The following FBP2 variants were observed in gnomAD, a reference collection of about 807,000 sequenced individuals.
FBP2 encodes fructose-bisphosphatase 2.
Under a neutral mutation model 31.6 loss-of-function variants are expected in FBP2, and 27 were observed. The observed-to-expected ratio is 0.85, with a 90% CI of 0.63 to 1.18. The LOEUF is 1.18. Ranked by LOEUF, FBP2 falls within the 50% of genes most tolerant of loss-of-function variation. The pLI is 0.00. For missense variants in FBP2, 421 were observed against 436.1 expected (o/e 0.97, Z 0.31); for synonymous variants, 168 against 179.8 (o/e 0.93, Z 0.53).
chr9:94,566,402 C>A (rs939699388), intron 5 of FBP2, among the ~76,000 whole-genome samples: 1 of 152,282 alleles, frequency 6.6e-6, no homozygotes, highest in Non-Finnish European at 1.5e-5. Context: ...CACGAGTGAT[C>A]TGTGCCTTAA....
intron 3 of FBP2, among the ~76,000 whole-genome samples, chr9:94,578,000 G>T (rs565401614): frequency 6.6e-6 from 1 of 152,148 alleles, no homozygotes; most frequent in Non-Finnish European, 1.5e-5. Flanking sequence ...TTCCAAGTTC[G>T]CATGAATCTT....
intron 5 of FBP2, 25 bp from the exon 6 acceptor site, chr9:94,563,486 A>G: frequency 6.2e-7 from 1 of 1,608,536 alleles, no homozygotes; most frequent in Non-Finnish European, 8.5e-7. Context: ...GCGAAGAGAC[A>G]AGATCCAGTG....
Position 94,559,003 on chromosome 9 carries a change from G to A in FBP2, c.955C>T (p.Leu319=). ...EAIHQRVPLI[L]GSPEDVQEYL... ...TCCTGCACATCCTCTGGTGACCCCA[G>A]AATGAGGGGGACTCGCTGGTGAATT... Residue 319 remains leucine, a synonymous_variant, in exon 7 of 7, where the codon CTG becomes TTG. Coordinates refer to ENST00000375337, the MANE Select transcript of FBP2 (RefSeq NM_003837.4). The A allele has an allele frequency of 6.2e-7, 1 of 1,614,134 alleles. No homozygotes were observed. Among genetic ancestry groups the A allele is most frequent in the Non-Finnish European group, 8.5e-7 (1 of 1,180,026 alleles).
Position 94,589,652 on chromosome 9 carries a change from G to C in FBP2, c.171-2183C>G, listed in dbSNP as rs538853521. 2.0e-3 allele frequency among the ~76,000 whole-genome samples: 307 copies of C among 152,238 alleles called. 1 individual carries two copies. Among genetic ancestry groups the C allele is most frequent in the African/African-American group, 7.1e-3 (296 of 41,528 alleles). On this transcript the variant is annotated intron_variant, in intron 1 of 6. Coordinates refer to ENST00000375337, the MANE Select transcript of FBP2 (RefSeq NM_003837.4). ...TCAGGTGGTTCTAACAGGTAGCCAG[G>C]GTTGAGAACCACTGATCTACCTTAA...
intron 2 of FBP2, among the ~76,000 whole-genome samples, chr9:94,585,565 G>A (rs1329739084): frequency 6.6e-6 from 1 of 152,124 alleles, no homozygotes; most frequent in Non-Finnish European, 1.5e-5. Flanking sequence ...TGACAGACCT[G>A]ACTAGAATTA....
At chr9:94,569,296 G>GTGCTTCC (rs1367355950) in intron 4 of FBP2, 1 of 152,276 alleles carries the variant, frequency 6.6e-6, no homozygotes, top group Non-Finnish European at 1.5e-5. Flanking sequence ...GACCACTGCC[G>GTGCTTCC]TGCTTCCTGC....
chr9:94,572,698 TTCACAC>T (rs1403326111), intron 3 of FBP2, among the ~76,000 whole-genome samples: 2 of 151,914 alleles, frequency 1.3e-5, no homozygotes, highest in African/African-American at 4.8e-5. Context: ...TTGCATTTAA[TTCACAC>T]ACACACACAA....
At chr9:94,571,627 ATG>A in intron 3 of FBP2, 25 bp from the exon 4 acceptor site, 1 of 1,599,418 alleles carries the variant, frequency 6.3e-7, no homozygotes, top group Non-Finnish European at 8.5e-7. Flanking sequence ...GATAAATGCC[ATG>A]TGTTATTGTT....
chr9:94,591,269 C>T (rs918654413), intron 1 of FBP2, among the ~76,000 whole-genome samples: 52 of 152,352 alleles, frequency 3.4e-4, no homozygotes, highest in African/African-American at 1.1e-3. Context: ...TGGCGGGCTG[C>T]AGGTCCCGAG....
At chr9:94,591,091 C>T (rs1012686362) in intron 1 of FBP2, among the ~76,000 whole-genome samples, 4 of 152,386 alleles carry the variant, frequency 2.6e-5, no homozygotes, top group African/African-American at 9.6e-5. Context: ...CCTAGTGGAT[C>T]CCGCACCGGG....
chr9:94,566,197 A>G (rs1827186952), intron 5 of FBP2, among the ~76,000 whole-genome samples: 1 of 152,262 alleles, frequency 6.6e-6, no homozygotes. Flanking sequence ...TGTTGGGAAC[A>G]GGCCCCCCAA....
At chr9:94,563,553 T>C (rs1827141405) in intron 5 of FBP2, 92 bp from the exon 6 acceptor site, 1 of 1,419,678 alleles carries the variant, frequency 7.0e-7, no homozygotes, top group South Asian at 1.3e-5. Context: ...GTGTGACCTC[T>C]GCCTTCTTGA....
intron 1 of FBP2, among the ~76,000 whole-genome samples, chr9:94,587,881 C>T (rs1223348767): frequency 1.3e-5 from 2 of 151,870 alleles, no homozygotes; most frequent in Non-Finnish European, 2.9e-5. Flanking sequence ...CGGAGTCTTG[C>T]TCTGTCGCCC....
chr9:94,571,440 T>G (rs1235254350), intron 4 of FBP2, 22 bp downstream of exon 4: 1 of 1,587,414 alleles, frequency 6.3e-7, no homozygotes, highest in Admixed American at 1.8e-5. Flanking sequence ...CAGGCACAGA[T>G]GATGCCATAT....
chr9:94,578,546 T>G (rs1482120557), intron 3 of FBP2, among the ~76,000 whole-genome samples: 1 of 152,082 alleles, frequency 6.6e-6, no homozygotes, highest in Non-Finnish European at 1.5e-5. Flanking sequence ...TACTTCTAAT[T>G]TTTTAAAAAT....
intron 6 of FBP2, among the ~76,000 whole-genome samples, chr9:94,562,309 CAA>C (rs397893359): frequency 0.012 from 864 of 72,106 alleles, 3 homozygotes; most frequent in Non-Finnish European, 0.015. Flanking sequence ...GACTCCATCT[CAA>C]AAAAAAAAAA....
chr9:94,578,327 C>A (rs921419281), intron 3 of FBP2, among the ~76,000 whole-genome samples: 1 of 152,074 alleles, frequency 6.6e-6, no homozygotes, highest in Non-Finnish European at 1.5e-5. Context: ...ACCTAATGTT[C>A]GGACTTTTAA....
At chr9:94,569,458 GCACT>G (rs949237959) in intron 4 of FBP2, 8 of 152,228 alleles carry the variant, frequency 5.3e-5, no homozygotes, top group Non-Finnish European at 8.8e-5. Context: ...CTGAACAGTG[GCACT>G]CACTCACCAC....
chr9:94,582,351 C>CGCGTGTGTGT (rs1228485244), intron 3 of FBP2, among the ~76,000 whole-genome samples: 2 of 147,744 alleles, frequency 1.4e-5, no homozygotes, highest in African/African-American at 5.0e-5. Context: ...TGTGTGTGTG[C>CGCGTGTGTGT]GTGTGTGTGT....
Sources: allele counts gnomAD v4.1 joint callset (sites outside exome capture counted in the v4.1 genomes callset), GRCh38; gene constraint gnomAD v4.1.1; transcripts MANE v1.5; gene names NCBI Gene and HGNC (gene_info 2026-07-23, HGNC 2026-07-21).